The following DTD1 variants were observed in gnomAD, a reference collection of about 807,000 sequenced individuals.
The protein encoded by DTD1 is D-aminoacyl-tRNA deacylase 1, also known as D-tyrosyl-tRNA deacylase 1 homolog.
In DTD1, 13 loss-of-function variants were observed where a neutral mutation model predicts 25.6. That is an observed-to-expected ratio of 0.51 (90% CI 0.33 to 0.81). The LOEUF is 0.81. DTD1 is among the 30% of genes least tolerant of loss of function. The probability of loss-of-function intolerance (pLI) is 0.02; values close to 1 mark genes in which losing one functional copy is unlikely to be tolerated. For synonymous variants in DTD1, 110 were observed against 103.6 expected (o/e 1.06, Z -0.37); for missense variants, 193 against 266.4 (o/e 0.72, Z 1.92).
At chr20:18,717,012 T>A (rs1426436218) in intron 4 of DTD1, among the ~76,000 whole-genome samples, 1 of 152,214 alleles carries the variant, frequency 6.6e-6, no homozygotes, top group Non-Finnish European at 1.5e-5. Flanking sequence ...CAGCTTTTCC[T>A]TGGAATGTTG....
intron 4 of DTD1, among the ~76,000 whole-genome samples, chr20:18,638,981 C>A (rs2060818774): frequency 6.6e-6 from 1 of 152,056 alleles, no homozygotes; most frequent in African/African-American, 2.4e-5. Flanking sequence ...TTGTAAAGTT[C>A]AACCTCCCAC....
chr20:18,660,622 G>T lies in DTD1; in HGVS notation c.477+32389G>T, dbSNP rs573452557. The stretch of plus-strand genomic sequence containing the variant: ...CAAAAAAAATTATTTAGTATAAAGA[G>T]AGTTTAAAATAGACATCCTATCGGC... On this transcript the variant is annotated intron_variant, in intron 4 of 5. Transcript: ENST00000377452. 5.3e-5 allele frequency among the ~76,000 whole-genome samples: 8 copies of T among 152,266 alleles called. 1 individual carries two copies. In the South Asian group the frequency reaches 1.7e-3, roughly 32 times the overall value.
intron 4 of DTD1, among the ~76,000 whole-genome samples, chr20:18,650,767 A>G (rs886386081): frequency 2.0e-5 from 3 of 152,200 alleles, no homozygotes; most frequent in Non-Finnish European, 2.9e-5. Flanking sequence ...AGGCATTACA[A>G]ACTAAAGGCA....
chr20:18,620,425 CAGTT>C (rs1046953525), intron 3 of DTD1, among the ~76,000 whole-genome samples: 13 of 152,222 alleles, frequency 8.5e-5, no homozygotes, highest in Admixed American at 4.6e-4. Context: ...TTACCTATCT[CAGTT>C]GGTGGCAACG....
intron 4 of DTD1, among the ~76,000 whole-genome samples, chr20:18,723,261 G>A (rs1377647632): frequency 6.6e-6 from 1 of 152,200 alleles, no homozygotes; most frequent in African/African-American, 2.4e-5. Context: ...GAGGGGCAGG[G>A]GAAGGCAGGA....
intron 4 of DTD1, among the ~76,000 whole-genome samples, chr20:18,699,467 C>T (rs747670463): frequency 3.3e-5 from 5 of 152,148 alleles, no homozygotes; most frequent in Non-Finnish European, 5.9e-5. Flanking sequence ...TTGGGGTTTT[C>T]GCGTGATGCC....
At chr20:18,636,862 G>A (rs996647453) in intron 4 of DTD1, among the ~76,000 whole-genome samples, 1 of 152,190 alleles carries the variant, frequency 6.6e-6, no homozygotes, top group African/African-American at 2.4e-5. Flanking sequence ...GTTGGTGGTA[G>A]TGTTCCTCAA....
rs1568665467 is a variant in DTD1, at chr20:18,675,817, C to CCTATGTGTATATTTACACAT, written c.477+47584_477+47585insCTATGTGTATATTTACACAT. Among the ~76,000 whole-genome samples, 30 of 50,392 alleles carry CCTATGTGTATATTTACACAT rather than the reference C, an allele frequency of 6.0e-4. 2 individuals carry two copies. Among genetic ancestry groups the CCTATGTGTATATTTACACAT allele is most frequent in the African/African-American group, 1.9e-3 (24 of 12,688 alleles). The allele number at this position is 50,392 out of a possible 152,430, so 33.1% of individuals were successfully genotyped here. A position where few individuals can be genotyped will look rare whatever the true frequency, so the allele number is the denominator to read the frequency against. ...ATATACCTATGTGTATATTTACACACATATATGTAAATATACCTATGTGTA... is the reference window on the plus strand; with the variant it reads ...ATATACCTATGTGTATATTTACACACCTATGTGTATATTTACACATATATATGTAAATATACCTATGTGTA... On this transcript the variant is annotated intron_variant, in intron 4 of 5. Coordinates refer to ENST00000377452, the MANE Select transcript of DTD1 (RefSeq NM_080820.6).
intron 4 of DTD1, among the ~76,000 whole-genome samples, chr20:18,651,200 A>G (rs1453904131): frequency 6.6e-6 from 1 of 152,184 alleles, no homozygotes; most frequent in Non-Finnish European, 1.5e-5. Context: ...TATGCCGGCT[A>G]GAGTACAGTG....
chr20:18,722,224 C>G (rs6136494), intron 4 of DTD1, among the ~76,000 whole-genome samples: 52,916 of 152,150 alleles, frequency 0.35, 9,535 homozygotes, highest in Non-Finnish European at 0.4. Flanking sequence ...AGATGTAATT[C>G]GCACTGTAGT....
At chr20:18,684,267 C>T (rs1160490952) in intron 4 of DTD1, among the ~76,000 whole-genome samples, 1 of 152,026 alleles carries the variant, frequency 6.6e-6, no homozygotes, top group Non-Finnish European at 1.5e-5. Context: ...AGTTCATGCT[C>T]ACCTCCAGCA....
At chr20:18,712,521 A>G (rs566894436) in intron 4 of DTD1, among the ~76,000 whole-genome samples, 6 of 152,222 alleles carry the variant, frequency 3.9e-5, no homozygotes, top group South Asian at 2.1e-4. Flanking sequence ...TTCATTTACA[A>G]TGGAATCATT....
At chr20:18,755,989 T>A (rs543610511) in intron 5 of DTD1, among the ~76,000 whole-genome samples, 5 of 152,252 alleles carry the variant, frequency 3.3e-5, no homozygotes, top group South Asian at 2.1e-4. Context: ...GGTATCTCAT[T>A]GTGGTTTTGA....
intron 4 of DTD1, chr20:18,632,284 T>A: frequency 2.0e-6 from 2 of 985,484 alleles, no homozygotes; most frequent in Non-Finnish European, 2.4e-6. Flanking sequence ...TCTCCTCAAA[T>A]ACACAAATTG....
intron 4 of DTD1, among the ~76,000 whole-genome samples, chr20:18,673,274 A>G (rs150041859): frequency 0.012 from 1,897 of 152,338 alleles, 27 homozygotes; most frequent in African/African-American, 0.016. Flanking sequence ...AACACCTTAC[A>G]GTTAATAAAA....
intron 3 of DTD1, among the ~76,000 whole-genome samples, chr20:18,606,263 A>G (rs2122265808): frequency 7.3e-6 from 1 of 137,322 alleles, no homozygotes; most frequent in Non-Finnish European, 1.6e-5. Flanking sequence ...GCAATCATTA[A>G]AAAGTCAGGA....
At chr20:18,709,445 T>C (rs987328890) in intron 4 of DTD1, among the ~76,000 whole-genome samples, 2 of 152,164 alleles carry the variant, frequency 1.3e-5, no homozygotes, top group African/African-American at 4.8e-5. Flanking sequence ...CCTCCTTCCA[T>C]TTCTTTCTGG....
intron 5 of DTD1, among the ~76,000 whole-genome samples, chr20:18,762,347 A>G (rs1380071536): frequency 6.6e-6 from 1 of 152,240 alleles, no homozygotes; most frequent in Non-Finnish European, 1.5e-5. Flanking sequence ...TGACAAATGC[A>G]TGCATCATAG....
At chr20:18,653,813 C>CA (rs1315957411) in intron 4 of DTD1, among the ~76,000 whole-genome samples, 1 of 152,138 alleles carries the variant, frequency 6.6e-6, no homozygotes, top group Non-Finnish European at 1.5e-5. Context: ...GTTATAATAA[C>CA]AGAGCATCAT....
Sources: allele counts gnomAD v4.1 joint callset (sites outside exome capture counted in the v4.1 genomes callset), GRCh38; gene constraint gnomAD v4.1.1; transcripts MANE v1.5; gene names NCBI Gene and HGNC (gene_info 2026-07-23, HGNC 2026-07-21).